TSC22D1: variants seen among roughly 807,000 people sequenced by gnomAD.
TSC22D1 encodes TSC22 domain family protein 1.
Under a neutral mutation model 74.2 loss-of-function variants are expected in TSC22D1, and 9 were observed. The ratio of observed to expected loss-of-function variants is 0.12; its 90% CI spans 0.07 to 0.21. The LOEUF (loss-of-function observed/expected upper bound fraction) is 0.21. TSC22D1 is among the 10% of genes least tolerant of loss of function. The probability of loss-of-function intolerance (pLI) is 1.00; values close to 1 mark genes in which losing one functional copy is unlikely to be tolerated. For synonymous variants in TSC22D1, 586 were observed against 492.5 expected, an observed-to-expected ratio of 1.19 and a Z score of -2.51; for missense variants, 1,427 against 1,304.7, an observed-to-expected ratio of 1.09 and a Z score of -1.44.
At chr13:44,511,138 C>T (rs1454879238) in intron 1 of TSC22D1, among the ~76,000 whole-genome samples, 1 of 152,024 alleles carries the variant, frequency 6.6e-6, no homozygotes, top group East Asian at 1.9e-4. Flanking sequence ...AAAATATTAG[C>T]CGGGCATGGT....
chr13:44,489,041 T>C (rs1047267492), intron 1 of TSC22D1, among the ~76,000 whole-genome samples: 1 of 152,032 alleles, frequency 6.6e-6, no homozygotes, highest in Admixed American at 6.6e-5. Flanking sequence ...AAAGCAATAT[T>C]CCATTAAAAG....
chr13:44,567,413 C>A (rs974596635), intron 1 of TSC22D1, among the ~76,000 whole-genome samples: 5 of 151,944 alleles, frequency 3.3e-5, no homozygotes, highest in African/African-American at 1.2e-4. Context: ...TGACTACCAA[C>A]TATCTGAGGA....
At chr13:44,521,351 T>C (rs558160501) in intron 1 of TSC22D1, among the ~76,000 whole-genome samples, 4 of 152,148 alleles carry the variant, frequency 2.6e-5, no homozygotes, top group Non-Finnish European at 5.9e-5. Flanking sequence ...CTCATTACTG[T>C]ATCATTTGTG....
chr13:44,436,768 C>CT, intron 1 of TSC22D1: 1 of 1,473,656 alleles, frequency 6.8e-7, no homozygotes. Context: ...AACCCAGCTT[C>CT]TAGGGCTTGA....
intron 1 of TSC22D1, among the ~76,000 whole-genome samples, chr13:44,459,493 T>C (rs910257061): frequency 6.6e-6 from 1 of 152,198 alleles, no homozygotes; most frequent in East Asian, 1.9e-4. Flanking sequence ...TCCCTCCAGT[T>C]GTCCACATAC....
chr13:44,494,094 G>T (rs1878847442), intron 1 of TSC22D1, among the ~76,000 whole-genome samples: 1 of 152,006 alleles, frequency 6.6e-6, no homozygotes, highest in East Asian at 2.0e-4. Flanking sequence ...AGCCAAGCAT[G>T]GTCAGGCATG....
chr13:44,573,021 A>G (rs1276155575), intron 1 of TSC22D1, 142 bp downstream of exon 1: 1 of 1,227,480 alleles, frequency 8.1e-7, no homozygotes, highest in Non-Finnish European at 1.1e-6. Context: ...CTCTTGCTCT[A>G]TAAAACTTCC....
chr13:44,570,258 CCAGCTCA>C (rs1053949285), intron 1 of TSC22D1, among the ~76,000 whole-genome samples: 1 of 151,052 alleles, frequency 6.6e-6, no homozygotes, highest in African/African-American at 2.4e-5. Flanking sequence ...TGGCATGATC[CCAGCTCA>C]CTGCAGCCTT....
At chr13:44,492,873 T>A (rs1196111086) in intron 1 of TSC22D1, among the ~76,000 whole-genome samples, 1 of 152,188 alleles carries the variant, frequency 6.6e-6, no homozygotes, top group African/African-American at 2.4e-5. Flanking sequence ...TACATAAATA[T>A]GAGTTCTAAT....
In TSC22D1 at chr13:44,434,809, T is replaced by A; in HGVS notation, c.3039A>T (p.Leu1013=). The A allele has an allele frequency of 1.2e-6, 2 of 1,614,118 alleles. No individual in the cohort carries two copies. The highest frequency in any genetic ancestry group is 1.7e-6 in the Non-Finnish European group (2 of 1,180,042). The change falls in exon 3 of 3, where the codon CTA becomes CTT. Residue 1013 remains leucine, a synonymous_variant. Transcript: ENST00000458659. ...VEVLKEQIKE[L]IEKNSQLEQE... ...GCTCCAGCTGGGAATTTTTCTCTATTAGTTCTTTGATTTGCTCTTTGAGGA... is the reference window on the plus strand; with the variant it reads ...GCTCCAGCTGGGAATTTTTCTCTATAAGTTCTTTGATTTGCTCTTTGAGGA...
At chr13:44,472,258 T>C (rs1188465038) in intron 1 of TSC22D1, among the ~76,000 whole-genome samples, 1 of 152,140 alleles carries the variant, frequency 6.6e-6, no homozygotes, top group African/African-American at 2.4e-5. Context: ...TAAAGAGGGG[T>C]CACAAATGCA....
intron 1 of TSC22D1, among the ~76,000 whole-genome samples, chr13:44,533,251 A>G (rs1880954685): frequency 6.6e-6 from 1 of 151,988 alleles, no homozygotes. Context: ...ACTTGAGGTC[A>G]GGAGTTCGAG....
intron 1 of TSC22D1, among the ~76,000 whole-genome samples, chr13:44,534,043 C>A (rs60186305): frequency 6.6e-6 from 1 of 151,758 alleles, no homozygotes; most frequent in Non-Finnish European, 1.5e-5. Flanking sequence ...TCAGCCTGGG[C>A]GACATAAACT....
intron 1 of TSC22D1, among the ~76,000 whole-genome samples, chr13:44,521,682 GAA>G (rs79105986): frequency 2.8e-4 from 33 of 118,460 alleles, no homozygotes; most frequent in African/African-American, 5.4e-4. Flanking sequence ...ACAAAGAATG[GAA>G]AAAAAAAAAA....
intron 1 of TSC22D1, among the ~76,000 whole-genome samples, chr13:44,504,910 CT>C (rs1377760931): frequency 6.6e-6 from 1 of 152,114 alleles, no homozygotes; most frequent in Non-Finnish European, 1.5e-5. Context: ...CAGAATGGTG[CT>C]TTTAAAACTA....
chr13:44,526,947 G>A (rs1398590567), intron 1 of TSC22D1, among the ~76,000 whole-genome samples: 4 of 152,060 alleles, frequency 2.6e-5, no homozygotes, highest in Non-Finnish European at 4.4e-5. Context: ...AGCCACAGAT[G>A]GTAGTTAAGA....
At chr13:44,439,982 C>T (rs1216824795) in intron 1 of TSC22D1, among the ~76,000 whole-genome samples, 2 of 152,186 alleles carry the variant, frequency 1.3e-5, no homozygotes, top group South Asian at 2.1e-4. Flanking sequence ...AGGAAAGAAG[C>T]GAAGGCACAT....
intron 1 of TSC22D1, among the ~76,000 whole-genome samples, chr13:44,499,690 T>C (rs1008359217): frequency 3.3e-5 from 5 of 152,344 alleles, no homozygotes; most frequent in Admixed American, 3.3e-4. Flanking sequence ...ATTTTCTCAA[T>C]GCCACCAATT....
intron 1 of TSC22D1, among the ~76,000 whole-genome samples, chr13:44,470,406 G>C (rs1028433876): frequency 6.6e-6 from 1 of 152,076 alleles, no homozygotes; most frequent in Non-Finnish European, 1.5e-5. Flanking sequence ...AATTGGATTC[G>C]AAAGGAAAAT....
Sources: gnomAD v4.1 joint callset for allele counts (sites outside exome capture counted in the v4.1 genomes callset) on GRCh38, gnomAD v4.1.1 for gene constraint, MANE v1.5 for transcripts, NCBI Gene and HGNC (gene_info 2026-07-23, HGNC 2026-07-21) for gene names.